CD300LB: variants seen among roughly 807,000 people sequenced by gnomAD.
The protein encoded by CD300LB is CD300 molecule like family member b.
Under a neutral mutation model 20.8 loss-of-function variants are expected in CD300LB, and 18 were observed. The ratio of observed to expected loss-of-function variants is 0.87; its 90% CI spans 0.60 to 1.28. The LOEUF is 1.28. CD300LB is among the 50% of genes most tolerant of loss of function. The probability of loss-of-function intolerance (pLI) is 0.00; values close to 1 mark genes in which losing one functional copy is unlikely to be tolerated. For missense variants in CD300LB, 222 were observed against 251.8 expected, an observed-to-expected ratio of 0.88 and a Z score of 0.80; for synonymous variants, 91 against 91.3, an observed-to-expected ratio of 1.00 and a Z score of 0.02.
chr17:74,523,257 G>A, intron 3 of CD300LB: 1 of 515,920 alleles, frequency 1.9e-6, no homozygotes. Context: ...CCTGTTCTGT[G>A]TCCCTTGATG....
intron 2 of CD300LB, among the ~76,000 whole-genome samples, chr17:74,525,064 T>G (rs1446702967): frequency 2.0e-5 from 3 of 152,006 alleles, no homozygotes; most frequent in Non-Finnish European, 4.4e-5. Flanking sequence ...AAGTACTGAG[T>G]AGGGGTGTGC....
At chr17:74,529,787 C>G (rs941419231) in intron 1 of CD300LB, among the ~76,000 whole-genome samples, 2 of 152,110 alleles carry the variant, frequency 1.3e-5, no homozygotes, top group Non-Finnish European at 1.5e-5. Flanking sequence ...GAAACTCCGT[C>G]TCAAAAACAA....
At chr17:74,527,197 A>C (rs955177661) in intron 1 of CD300LB, among the ~76,000 whole-genome samples, 3 of 152,250 alleles carry the variant, frequency 2.0e-5, no homozygotes, top group Non-Finnish European at 4.4e-5. Flanking sequence ...AACAGGTTAG[A>C]GGTGAGCATA....
In CD300LB at chr17:74,521,668, C is replaced by A; in HGVS notation, c.*1070G>T. 1.0e-6 allele frequency: 1 copy of A among 985,562 alleles called. No homozygotes were observed. 61.1% of individuals were successfully genotyped at this position (985,562 alleles called of 1,614,324 possible). A position where few individuals can be genotyped will look rare whatever the true frequency, so the allele number is the denominator to read the frequency against. ...AGAACCAAGAGCAGGTTGGAGGCGT[C>A]CTCATGGGTGTTCAAAGGGCAACAT... is the stretch of plus-strand genomic sequence containing the variant. On this transcript the variant is annotated 3_prime_UTR_variant, in exon 4 of 4. Transcript: ENST00000392621.
intron 1 of CD300LB, among the ~76,000 whole-genome samples, chr17:74,527,396 AG>A (rs1908067850): frequency 6.6e-6 from 1 of 152,390 alleles, no homozygotes; most frequent in South Asian, 2.1e-4. Flanking sequence ...GGGTCTCTGC[AG>A]GGTGGAGAAA....
chr17:74,522,902 T>TG lies in CD300LB; in HGVS notation c.444-3dup. ...AATACCAGGAGCATGTAGTGGTTCC[T>TG]GGGGAAGGGGATGCAGTGGTCAGAG... On this transcript the variant is annotated splice_region_variant and splice_polypyrimidine_tract_variant and intron_variant, in intron 3 of 3. Coordinates refer to ENST00000392621, the MANE Select transcript of CD300LB (RefSeq NM_174892.4). 6.2e-7 allele frequency: 1 copy of TG among 1,613,220 alleles called. No individual in the cohort carries two copies. Among genetic ancestry groups the TG allele is most frequent in the South Asian group, 1.1e-5 (1 of 91,040 alleles).
chr17:74,527,713 GGAA>G (rs1359652409), intron 1 of CD300LB, among the ~76,000 whole-genome samples: 5 of 152,136 alleles, frequency 3.3e-5, no homozygotes, highest in African/African-American at 1.2e-4. Context: ...GCTTTGAAGT[GGAA>G]GAAGAGGCCA....
rs543372240 is a variant in CD300LB, at chr17:74,529,184, G to A, written c.40+2127C>T. 1.1e-4 allele frequency among the ~76,000 whole-genome samples: 17 copies of A among 152,100 alleles called. No individual in the cohort carries two copies. The South Asian group carries it at 2.9e-3, about 26-fold the overall frequency. On this transcript the variant is annotated intron_variant, in intron 1 of 3. Transcript: ENST00000392621. ...AAGAAGACTTGGATGTATGTCCAACGCCAGACATTTGGGGTTTGCTCTGTC... is the reference window on the plus strand; with the variant it reads ...AAGAAGACTTGGATGTATGTCCAACACCAGACATTTGGGGTTTGCTCTGTC...
Position 74,522,835 on chromosome 17 carries a change from A to C in CD300LB, c.509T>G (p.Leu170Arg). The stretch of plus-strand genomic sequence containing the variant: ...GACCCTCTGAGACCCCTTCAACCAG[A>C]GGATGGCAGTGACCAAGATGAGCAA... ...PILLILVTAILWLKGSQRVPE... is the reference protein window; with the variant it reads ...PILLILVTAIRWLKGSQRVPE... Residue 170 changes from leucine to arginine, a missense_variant, in exon 4 of 4, where the codon CTC becomes CGC. By Grantham distance (102) the Leu-to-Arg change is moderately radical. Coordinates refer to ENST00000392621, the MANE Select transcript of CD300LB (RefSeq NM_174892.4). 6.2e-7 allele frequency: 1 copy of C among 1,614,094 alleles called. No individual in the cohort carries two copies. Among genetic ancestry groups the C allele is most frequent in the Non-Finnish European group, 8.5e-7 (1 of 1,180,010 alleles).
chr17:74,522,997 C>T, intron 3 of CD300LB, 97 bp from the exon 4 acceptor site: 1 of 1,241,684 alleles, frequency 8.1e-7, no homozygotes, highest in South Asian at 1.4e-5. Flanking sequence ...AGCCTGTGAC[C>T]CTGGGCCGGG....
chr17:74,523,359 C>A lies in CD300LB; in HGVS notation c.443+220G>T. 3.4e-6 allele frequency: 2 copies of A among 582,034 alleles called. 1 individual carries two copies. Among genetic ancestry groups the A allele is most frequent in the South Asian group, 4.1e-5 (2 of 48,910 alleles). 36.1% of individuals were successfully genotyped at this position (582,034 alleles called of 1,614,324 possible). A position where few individuals can be genotyped will look rare whatever the true frequency, so the allele number is the denominator to read the frequency against. ...ACTGATTGACTGGGAGAATGATGCT[C>A]ACTGAGAAGAGTTCTGCAGAGCGGT... On this transcript the variant is annotated intron_variant, in intron 3 of 3. Coordinates refer to ENST00000392621, the MANE Select transcript of CD300LB (RefSeq NM_174892.4).
chr17:74,528,267 T>C (rs190932003), intron 1 of CD300LB, among the ~76,000 whole-genome samples: 143 of 152,118 alleles, frequency 9.4e-4, no homozygotes, highest in East Asian at 6.4e-3. Context: ...TGTGGAAAAA[T>C]TGTCTTCCAC....
At chr17:74,523,030 G>A (rs1458025992) in intron 3 of CD300LB, 130 bp from the exon 4 acceptor site, 1 of 832,954 alleles carries the variant, frequency 1.2e-6, no homozygotes, top group Non-Finnish European at 1.9e-6. Context: ...GAAGATTCCT[G>A]TAAACCTCCT....
intron 2 of CD300LB, among the ~76,000 whole-genome samples, chr17:74,525,179 C>A (rs934704357): frequency 2.0e-5 from 3 of 152,150 alleles, no homozygotes; most frequent in African/African-American, 7.2e-5. Context: ...GAAGCCAGGG[C>A]ACCCAGAGTG....
intron 1 of CD300LB, among the ~76,000 whole-genome samples, chr17:74,527,919 C>T (rs1908084107): frequency 6.6e-6 from 1 of 152,140 alleles, no homozygotes; most frequent in African/African-American, 2.4e-5. Context: ...AGCCACTCCC[C>T]GTTGTTCAAA....
chr17:74,522,445 G>A lies in CD300LB; in HGVS notation c.*293C>T, dbSNP rs979930148. On this transcript the variant is annotated 3_prime_UTR_variant, in exon 4 of 4. Transcript: ENST00000392621. ...CTTTGGTCCCATGCTCTGTGCCCGA[G>A]TTATTCCAGCAGTGGGGACAGAGTC... 8.9e-7 allele frequency: 1 copy of A among 1,125,722 alleles called. No individual in the cohort carries two copies. The highest frequency in any genetic ancestry group is 1.1e-6 in the Non-Finnish European group (1 of 915,986). The allele number at this position is 1,125,722 out of a possible 1,614,324, so 69.7% of individuals were successfully genotyped here.
At chr17:74,528,171 ATATAT>A (rs1438682935) in intron 1 of CD300LB, among the ~76,000 whole-genome samples, 6 of 151,904 alleles carry the variant, frequency 3.9e-5, no homozygotes, top group Admixed American at 1.3e-4. Flanking sequence ...TCATTTCATT[ATATAT>A]TATAATATAA....
chr17:74,522,718 G>A lies in CD300LB; in HGVS notation c.*20C>T. The A allele has an allele frequency of 1.2e-6, 2 of 1,613,740 alleles. No individual in the cohort carries two copies. Among genetic ancestry groups the A allele is most frequent in the Non-Finnish European group, 1.7e-6 (2 of 1,179,732 alleles). ...TCTGGAAACGTGGCCAGGGCAGGAAGGCTCTGCAGATCCATCTCTCTAAGT... is the reference window on the plus strand; with the variant it reads ...TCTGGAAACGTGGCCAGGGCAGGAAAGCTCTGCAGATCCATCTCTCTAAGT... On this transcript the variant is annotated 3_prime_UTR_variant, in exon 4 of 4. Coordinates refer to ENST00000392621, the MANE Select transcript of CD300LB (RefSeq NM_174892.4).
In CD300LB at chr17:74,521,244, A is replaced by C. The variant is rs774847660; in HGVS notation, c.*1494T>G. ...GTGGGAAAAGAATGACATCACGTTG[A>C]CAAGCGCCCATGTCCCCTCGCCCCT... On this transcript the variant is annotated 3_prime_UTR_variant, in exon 4 of 4. Coordinates refer to ENST00000392621, the MANE Select transcript of CD300LB (RefSeq NM_174892.4). The C allele has an allele frequency of 2.7e-5, 11 of 411,292 alleles. No individual in the cohort carries two copies. Among genetic ancestry groups the C allele is most frequent in the Admixed American group, 1.3e-4 (2 of 15,580 alleles). 25.5% of individuals were successfully genotyped at this position (411,292 alleles called of 1,614,324 possible). A position where few individuals can be genotyped will look rare whatever the true frequency, so the allele number is the denominator to read the frequency against.
Sources: allele counts gnomAD v4.1 joint callset (sites outside exome capture counted in the v4.1 genomes callset), GRCh38; gene constraint gnomAD v4.1.1; transcripts MANE v1.5; gene names NCBI Gene and HGNC (gene_info 2026-07-23, HGNC 2026-07-21).